Variants in C10orf90 observed in about 807,000 individuals in gnomAD.
C10orf90 encodes the protein chromosome 10 open reading frame 90.
C10orf90 carries 56 observed loss-of-function variants against 62.5 expected under a neutral mutation model. That is an observed-to-expected ratio of 0.90 (90% CI 0.72 to 1.12). C10orf90 has a LOEUF of 1.12. C10orf90 is among the 50% of genes most tolerant of loss of function. The pLI is 0.00. For missense variants in C10orf90, 970 were observed against 880.4 expected (o/e 1.10, Z -1.29); for synonymous variants, 386 against 340.4 (o/e 1.13, Z -1.47).
At position 126,529,252 on chromosome 10, in the gene C10orf90, A is replaced by G. The variant is rs1243685860; in HGVS notation, c.314-15313T>C. ...ATCTAAAACCTTAAACGCAAAAGGTAAAACTTTAAAACATTCTTTAAAGAT... is the reference window on the plus strand; with the variant it reads ...ATCTAAAACCTTAAACGCAAAAGGTGAAACTTTAAAACATTCTTTAAAGAT... On this transcript the variant is annotated intron_variant, in intron 2 of 9. Coordinates refer to ENST00000488181, the MANE Select transcript of C10orf90 (RefSeq NM_001350921.2). Among the ~76,000 whole-genome samples, 4 of 152,248 alleles carry G rather than the reference A, an allele frequency of 2.6e-5. No individual in the cohort carries two copies. The East Asian group carries it at 5.8e-4, about 22-fold the overall frequency.
chr10:126,506,055 T>C (rs534327960), intron 3 of C10orf90, among the ~76,000 whole-genome samples: 3 of 152,302 alleles, frequency 2.0e-5, no homozygotes, highest in East Asian at 1.9e-4. Context: ...CTTATCAGAA[T>C]TGGGGGACAG....
intron 4 of C10orf90, among the ~76,000 whole-genome samples, chr10:126,485,667 G>A (rs10901615): frequency 0.22 from 33,231 of 151,872 alleles, 4,529 homozygotes; most frequent in African/African-American, 0.4. Context: ...ATGGCCGGGC[G>A]TGGTGGCTTA....
rs527366311 is a variant in C10orf90 at position 126,585,463 on chromosome 10, G to A, written c.313+61102C>T. On this transcript the variant is annotated intron_variant, in intron 2 of 9. Transcript: ENST00000488181. ...AAGAAGGAAAGGAGGGAAGAAGGAA[G>A]GAAAGGAAGAGAGGGGGAAGGAGAA... Among the ~76,000 whole-genome samples, 17 of 148,836 alleles carry A rather than the reference G, an allele frequency of 1.1e-4. No individual in the cohort carries two copies. The South Asian group carries it at 3.7e-3, about 32-fold the overall frequency.
chr10:126,431,566 CT>C (rs1360275455), intron 7 of C10orf90, among the ~76,000 whole-genome samples: 2 of 152,196 alleles, frequency 1.3e-5, no homozygotes, highest in Non-Finnish European at 2.9e-5. Flanking sequence ...AAATATGTGA[CT>C]CTTGACAGTC....
chr10:126,648,599 C>T (rs189573973), intron 1 of C10orf90, among the ~76,000 whole-genome samples: 2 of 152,334 alleles, frequency 1.3e-5, no homozygotes, highest in Admixed American at 6.5e-5. Context: ...TGCATAAAAA[C>T]TTTCAGGGAA....
At chr10:126,576,507 A>T (rs568191110) in intron 2 of C10orf90, among the ~76,000 whole-genome samples, 29 of 151,768 alleles carry the variant, frequency 1.9e-4, no homozygotes, top group Admixed American at 5.9e-4. Flanking sequence ...GGAGAGCAAT[A>T]TGGAGGTTCC....
At chr10:126,510,158 C>T (rs1863014786) in intron 3 of C10orf90, among the ~76,000 whole-genome samples, 1 of 152,136 alleles carries the variant, frequency 6.6e-6, no homozygotes, top group African/African-American at 2.4e-5. Context: ...AAAGACCCTA[C>T]CTCCCAATGC....
At position 126,513,813 on chromosome 10, in the gene C10orf90, T is replaced by G. The variant is rs1329940820; in HGVS notation, c.405+35A>C. ...TTATATTTTATAGATGGGTGCATTT[T>G]GCTGACTATTCTAGAAGTTAGAAAT... On this transcript the variant is annotated intron_variant, in intron 3 of 9. Coordinates refer to ENST00000488181, the MANE Select transcript of C10orf90 (RefSeq NM_001350921.2). 2.9e-6 allele frequency: 4 copies of G among 1,361,294 alleles called. No individual in the cohort carries two copies. The Admixed American group carries it at 6.9e-5, about 23-fold the overall frequency. 84.3% of individuals were successfully genotyped at this position (1,361,294 alleles called of 1,614,324 possible). A position where few individuals can be genotyped will look rare whatever the true frequency, so the allele number is the denominator to read the frequency against.
chr10:126,474,634 A>G (rs1860758602), intron 4 of C10orf90, among the ~76,000 whole-genome samples: 1 of 152,268 alleles, frequency 6.6e-6, no homozygotes, highest in Non-Finnish European at 1.5e-5. Flanking sequence ...CAAGTATGAA[A>G]AATAAAAATA....
intron 2 of C10orf90, chr10:126,520,416 G>C (rs1395238728): frequency 6.6e-6 from 1 of 152,222 alleles, no homozygotes; most frequent in Non-Finnish European, 1.5e-5. Flanking sequence ...AGTTCAAGGA[G>C]CCCAGGTTAG....
chr10:126,505,059 T>C lies in C10orf90; in HGVS notation c.432A>G (p.Lys144=). Residue 144 remains lysine, a synonymous_variant, in exon 4 of 10, where the codon AAA becomes AAG. Coordinates refer to ENST00000488181, the MANE Select transcript of C10orf90 (RefSeq NM_001350921.2). Reference sequence around the variant, plus strand: ...GGGAGATGACTATGGATGAAATCATTTTTGTGTTTTGTGATGCCAGGGTCT... The same window carrying C: ...GGGAGATGACTATGGATGAAATCATCTTTGTGTTTTGTGATGCCAGGGTCT... ...TKETLASQNT[K]MISSIVISQM... is the part of the protein sequence containing the mutation. 6.2e-7 allele frequency: 1 copy of C among 1,609,020 alleles called. No individual in the cohort carries two copies.
intron 4 of C10orf90, among the ~76,000 whole-genome samples, chr10:126,466,134 C>T (rs374764148): frequency 3.6e-4 from 55 of 152,260 alleles, no homozygotes; most frequent in African/African-American, 1.3e-3. Context: ...TTCAACCCCC[C>T]ATGCTGATGC....
At chr10:126,667,814 A>T (rs1276220357) in intron 1 of C10orf90, among the ~76,000 whole-genome samples, 1 of 152,196 alleles carries the variant, frequency 6.6e-6, no homozygotes, top group Non-Finnish European at 1.5e-5. Context: ...CATCAAAAAC[A>T]TACGCAGGGG....
intron 2 of C10orf90, among the ~76,000 whole-genome samples, chr10:126,641,211 C>G (rs1853693130): frequency 6.6e-6 from 1 of 152,138 alleles, no homozygotes; most frequent in African/African-American, 2.4e-5. Context: ...GATCCTAGAA[C>G]AACCCTTCCT....
At chr10:126,598,916 C>G (rs1418279866) in intron 2 of C10orf90, among the ~76,000 whole-genome samples, 1 of 152,096 alleles carries the variant, frequency 6.6e-6, no homozygotes, top group Admixed American at 6.6e-5. Flanking sequence ...GAAGGCTTAG[C>G]TGCTTCTTGA....
At chr10:126,639,581 CTG>C (rs1454076426) in intron 2 of C10orf90, among the ~76,000 whole-genome samples, 3 of 152,166 alleles carry the variant, frequency 2.0e-5, no homozygotes, top group Admixed American at 1.3e-4. Flanking sequence ...GCCTCCTGGA[CTG>C]TCCCCCACAT....
chr10:126,574,414 C>A (rs943055283), intron 2 of C10orf90, among the ~76,000 whole-genome samples: 3 of 151,856 alleles, frequency 2.0e-5, no homozygotes, highest in African/African-American at 7.3e-5. Flanking sequence ...TATGTTTGAC[C>A]TCACTATAAA....
intron 2 of C10orf90, among the ~76,000 whole-genome samples, chr10:126,535,982 T>G (rs1864225047): frequency 6.6e-6 from 1 of 151,996 alleles, no homozygotes. Flanking sequence ...TGCACTGAAG[T>G]TTTTTTCCAC....
At chr10:126,565,059 AATATATATT>A (rs1844309223) in intron 2 of C10orf90, among the ~76,000 whole-genome samples, 1 of 20,006 alleles carries the variant, frequency 5.0e-5, no homozygotes, top group Non-Finnish European at 9.1e-5. Flanking sequence ...TAATATATAA[AATATATATT>A]ATATATAATA....
Sources: allele counts gnomAD v4.1 joint callset (sites outside exome capture counted in the v4.1 genomes callset), GRCh38; gene constraint gnomAD v4.1.1; transcripts MANE v1.5; gene names NCBI Gene and HGNC (gene_info 2026-07-23, HGNC 2026-07-21).